The following CAMKMT variants were observed in gnomAD, a reference collection of about 807,000 sequenced individuals.
CAMKMT encodes the protein CaM KMT.
CAMKMT carries 53 observed loss-of-function variants against 48.0 expected under a neutral mutation model. That is an observed-to-expected ratio of 1.10 (90% CI 0.89 to 1.39). The LOEUF (loss-of-function observed/expected upper bound fraction) is 1.39, where lower values mean the gene tolerates loss of function less well. Ranked by LOEUF, CAMKMT falls within the 40% of genes most tolerant of loss-of-function variation. The pLI, the probability that CAMKMT is intolerant of heterozygous loss-of-function variation, is 0.00. For missense variants in CAMKMT, 428 were observed against 402.7 expected (o/e 1.06, Z -0.54); for synonymous variants, 165 against 152.3 (o/e 1.08, Z -0.61).
intron 2 of CAMKMT, among the ~76,000 whole-genome samples, chr2:44,381,070 G>C (rs1341981743): frequency 6.6e-6 from 1 of 152,158 alleles, no homozygotes; most frequent in Non-Finnish European, 1.5e-5. Context: ...TGAGGCAGGA[G>C]AATCGCTTGA....
At chr2:44,424,696 A>T (rs1684165034) in intron 3 of CAMKMT, among the ~76,000 whole-genome samples, 3 of 152,170 alleles carry the variant, frequency 2.0e-5, no homozygotes, top group African/African-American at 7.2e-5. Flanking sequence ...ATATGTTCTC[A>T]CTCATAAGTG....
At position 44,407,557 on chromosome 2, in the gene CAMKMT, C is replaced by A. The variant is rs138213872; in HGVS notation, c.376+17252C>A. On this transcript the variant is annotated intron_variant, in intron 3 of 10. Transcript: ENST00000378494. ...TGGAGATTGTCTTGGCCAAGTTAACCTTATGAACCTCTGCAGTAAAATGGA... is the reference window on the plus strand; with the variant it reads ...TGGAGATTGTCTTGGCCAAGTTAACATTATGAACCTCTGCAGTAAAATGGA... 2.5e-3 allele frequency among the ~76,000 whole-genome samples: 384 copies of A among 152,262 alleles called. 1 individual carries two copies. The Middle Eastern group carries it at 0.027, about 11-fold the overall frequency.
At chr2:44,427,708 A>T (rs1684367656) in intron 3 of CAMKMT, among the ~76,000 whole-genome samples, 1 of 152,206 alleles carries the variant, frequency 6.6e-6, no homozygotes, top group Non-Finnish European at 1.5e-5. Context: ...GTAAATTAAC[A>T]TGGAGCCCAA....
intron 6 of CAMKMT, among the ~76,000 whole-genome samples, chr2:44,714,105 C>T (rs1678038522): frequency 6.6e-6 from 1 of 151,928 alleles, no homozygotes; most frequent in Non-Finnish European, 1.5e-5. Context: ...AATTGGAAAG[C>T]CAGGAAAATA....
intron 1 of CAMKMT, 130 bp from the exon 2 acceptor site, chr2:44,372,586 T>G (rs962031785): frequency 3.0e-6 from 2 of 663,970 alleles, no homozygotes; most frequent in Admixed American, 6.3e-5. Flanking sequence ...GTAGGAGATA[T>G]ATCTGAATTA....
At chr2:44,577,245 AAT>A (rs1197528927) in intron 3 of CAMKMT, among the ~76,000 whole-genome samples, 2 of 152,238 alleles carry the variant, frequency 1.3e-5, no homozygotes, top group African/African-American at 4.8e-5. Flanking sequence ...GCCATCCCAA[AAT>A]ATGTCAAACT....
chr2:44,483,030 G>C (rs2592199), intron 3 of CAMKMT, among the ~76,000 whole-genome samples: 122,568 of 151,992 alleles, frequency 0.81, 49,746 homozygotes, highest in African/African-American at 0.9. Flanking sequence ...GCTGTCCAAT[G>C]GAATCAACAA....
chr2:44,394,044 A>T (rs1359803114), intron 3 of CAMKMT, among the ~76,000 whole-genome samples: 2 of 152,204 alleles, frequency 1.3e-5, no homozygotes, highest in Admixed American at 1.3e-4. Flanking sequence ...TAGTAGATTC[A>T]TTGGAACATT....
At chr2:44,587,689 C>T (rs992902922) in intron 3 of CAMKMT, among the ~76,000 whole-genome samples, 13 of 129,248 alleles carry the variant, frequency 1.0e-4, no homozygotes, top group Non-Finnish European at 2.0e-4. Context: ...CTGTGTTGGC[C>T]GGGCTGGTCT....
chr2:44,603,795 A>AT (rs1225671993), intron 3 of CAMKMT, among the ~76,000 whole-genome samples: 1 of 152,188 alleles, frequency 6.6e-6, no homozygotes, highest in Non-Finnish European at 1.5e-5. Context: ...AAAGTCAGTA[A>AT]TTTTTTGAGA....
intron 3 of CAMKMT, among the ~76,000 whole-genome samples, chr2:44,692,157 C>A (rs1248134487): frequency 6.6e-6 from 1 of 152,034 alleles, no homozygotes; most frequent in East Asian, 1.9e-4. Flanking sequence ...ATAATAATAT[C>A]CCTGAAAGTA....
Position 44,363,540 on chromosome 2 carries a change from G to A in CAMKMT, c.138+1395G>A, listed in dbSNP as rs183293953. On this transcript the variant is annotated intron_variant, in intron 1 of 10. Transcript: ENST00000378494. Reference sequence around the variant, plus strand: ...TTACAGGCATGCACCACCACGCCTGGCTAATTTTTTTTTTTTTTAAGTAGA... The same window carrying A: ...TTACAGGCATGCACCACCACGCCTGACTAATTTTTTTTTTTTTTAAGTAGA... Among the ~76,000 whole-genome samples, 1,394 of 151,436 alleles carry A rather than the reference G, an allele frequency of 9.2e-3. 26 individuals carry two copies. The highest frequency in any genetic ancestry group is 0.084 in the South Asian group (404 of 4,788).
intron 1 of CAMKMT, among the ~76,000 whole-genome samples, chr2:44,362,661 G>C (rs1425070535): frequency 1.3e-5 from 2 of 152,184 alleles, no homozygotes; most frequent in African/African-American, 4.8e-5. Context: ...AGCGTGCAAG[G>C]AGTAGGAAAA....
chr2:44,551,674 C>T (rs911158650), intron 3 of CAMKMT, among the ~76,000 whole-genome samples: 3 of 152,110 alleles, frequency 2.0e-5, no homozygotes, highest in East Asian at 1.9e-4. Context: ...AAAGATTTGT[C>T]GAAAACTCAT....
intron 10 of CAMKMT, among the ~76,000 whole-genome samples, chr2:44,766,943 CT>C (rs1478618607): frequency 6.6e-6 from 1 of 152,186 alleles, no homozygotes; most frequent in Non-Finnish European, 1.5e-5. Context: ...AGGTGAATGT[CT>C]AATTGTATCA....
At chr2:44,608,485 G>A (rs1671423376) in intron 3 of CAMKMT, among the ~76,000 whole-genome samples, 1 of 152,094 alleles carries the variant, frequency 6.6e-6, no homozygotes, top group African/African-American at 2.4e-5. Flanking sequence ...ATAGTAATCA[G>A]ATCAGGTATT....
chr2:44,366,115 A>T (rs1226996171), intron 1 of CAMKMT, among the ~76,000 whole-genome samples: 1 of 152,218 alleles, frequency 6.6e-6, no homozygotes, highest in African/African-American at 2.4e-5. Flanking sequence ...CAAACATTCA[A>T]CTTGGCTTTT....
intron 3 of CAMKMT, among the ~76,000 whole-genome samples, chr2:44,617,127 A>G (rs1368157272): frequency 2.2e-4 from 33 of 152,212 alleles, no homozygotes; most frequent in Non-Finnish European, 1.6e-4. Context: ...CCCACACAAG[A>G]GACTGATATA....
intron 2 of CAMKMT, among the ~76,000 whole-genome samples, chr2:44,377,374 G>A (rs1340870061): frequency 2.0e-5 from 3 of 152,112 alleles, no homozygotes; most frequent in Non-Finnish European, 4.4e-5. Context: ...AAGTATATAA[G>A]CTAAGAGACA....
Sources: allele counts gnomAD v4.1 joint callset (sites outside exome capture counted in the v4.1 genomes callset), GRCh38; gene constraint gnomAD v4.1.1; transcripts MANE v1.5; gene names NCBI Gene and HGNC (gene_info 2026-07-23, HGNC 2026-07-21).